The following WWOX variants were observed in gnomAD, a reference collection of about 807,000 sequenced individuals.
WWOX encodes the protein WW domain containing oxidoreductase, also known as WW domain-containing oxidoreductase.
WWOX carries 69 observed loss-of-function variants against 46.2 expected under a neutral mutation model. The ratio of observed to expected loss-of-function variants is 1.49; its 90% CI spans 1.23 to 1.82. WWOX has a LOEUF of 1.82. Among genes scored for constraint, WWOX ranks in the 40% most tolerant of loss-of-function variants. WWOX has a pLI of 0.00. For missense variants in WWOX, 919 were observed against 542.6 expected (o/e 1.69, Z -6.89); for synonymous variants, 359 against 202.6 (o/e 1.77, Z -6.56).
At chr16:78,875,904 C>G (rs538447153) in intron 8 of WWOX, among the ~76,000 whole-genome samples, 2 of 152,302 alleles carry the variant, frequency 1.3e-5, no homozygotes, top group South Asian at 4.1e-4. Flanking sequence ...CTAATTCTTT[C>G]TCCTGATACC....
intron 8 of WWOX, among the ~76,000 whole-genome samples, chr16:78,595,105 A>C (rs1478046113): frequency 2.0e-5 from 3 of 152,188 alleles, no homozygotes; most frequent in Admixed American, 2.0e-4. Flanking sequence ...GTGTTAGCAG[A>C]GGCAGTGGCA....
intron 8 of WWOX, among the ~76,000 whole-genome samples, chr16:78,509,649 A>G (rs980901616): frequency 6.6e-6 from 1 of 152,184 alleles, no homozygotes; most frequent in Non-Finnish European, 1.5e-5. Flanking sequence ...CAGCGATGGC[A>G]GGACTATTTA....
At chr16:78,856,710 T>A (rs1416132421) in intron 8 of WWOX, among the ~76,000 whole-genome samples, 2 of 152,132 alleles carry the variant, frequency 1.3e-5, no homozygotes, top group African/African-American at 2.4e-5. Context: ...TTCAGTACTT[T>A]AAAAAAATGT....
At chr16:78,899,971 T>A (rs1270959535) in intron 8 of WWOX, among the ~76,000 whole-genome samples, 2 of 152,052 alleles carry the variant, frequency 1.3e-5, no homozygotes, top group South Asian at 2.1e-4. Flanking sequence ...GCCTTGATAA[T>A]TAGGTTTGTT....
At chr16:78,272,221 G>A (rs961089064) in intron 5 of WWOX, among the ~76,000 whole-genome samples, 7 of 152,170 alleles carry the variant, frequency 4.6e-5, no homozygotes, top group Non-Finnish European at 7.3e-5. Flanking sequence ...TATGCTGGAG[G>A]ATGAATTGGA....
chr16:78,924,868 C>T (rs1205090660), intron 8 of WWOX, among the ~76,000 whole-genome samples: 5 of 152,112 alleles, frequency 3.3e-5, no homozygotes, highest in Non-Finnish European at 5.9e-5. Flanking sequence ...TAGGCTCTAG[C>T]ACACAGTGTG....
At chr16:79,090,930 A>G (rs2048947096) in intron 8 of WWOX, among the ~76,000 whole-genome samples, 1 of 152,090 alleles carries the variant, frequency 6.6e-6, no homozygotes. Flanking sequence ...AGAAGTTGGG[A>G]CTACAGGCAT....
intron 5 of WWOX, among the ~76,000 whole-genome samples, chr16:78,308,806 CT>C (rs1452100022): frequency 2.0e-5 from 3 of 152,148 alleles, no homozygotes; most frequent in Non-Finnish European, 4.4e-5. Flanking sequence ...CCAGATAGTC[CT>C]TTCTACTGAT....
At chr16:78,250,796 G>T (rs1044113637) in intron 5 of WWOX, among the ~76,000 whole-genome samples, 1 of 152,108 alleles carries the variant, frequency 6.6e-6, no homozygotes, top group African/African-American at 2.4e-5. Context: ...GGCTGGGCAG[G>T]AAAACCATAA....
chr16:78,778,954 G>A (rs1226214536), intron 8 of WWOX, among the ~76,000 whole-genome samples: 1 of 152,118 alleles, frequency 6.6e-6, no homozygotes, highest in African/African-American at 2.4e-5. Context: ...GCAATAATCT[G>A]TTTGATTCAC....
rs565033145 is a variant in WWOX, at chr16:78,607,633, C to T, written c.1056+174881C>T. ...TTCAGCTGGCGTAAGAGGAGTGACT[C>T]ATTTGTTCTTCTTTTTTTTTTTTTT... On this transcript the variant is annotated intron_variant, in intron 8 of 8. Transcript: ENST00000566780. 7.6e-4 allele frequency among the ~76,000 whole-genome samples: 103 copies of T among 135,168 alleles called. 1 individual carries two copies. The highest frequency in any genetic ancestry group is 2.5e-3 in the African/African-American group (96 of 38,694). 88.7% of individuals were successfully genotyped at this position (135,168 alleles called of 152,430 possible).
intron 8 of WWOX, among the ~76,000 whole-genome samples, chr16:78,719,930 C>T (rs958780642): frequency 2.0e-5 from 3 of 152,124 alleles, no homozygotes; most frequent in Non-Finnish European, 2.9e-5. Flanking sequence ...ATTTTAAGCA[C>T]GTTTTCACCA....
At chr16:78,635,608 T>C (rs2046548304) in intron 8 of WWOX, among the ~76,000 whole-genome samples, 2 of 152,180 alleles carry the variant, frequency 1.3e-5, no homozygotes, top group South Asian at 4.1e-4. Context: ...GTTATTTCTT[T>C]ATTCAAGGGT....
chr16:79,132,346 C>T (rs1334746807), intron 8 of WWOX, among the ~76,000 whole-genome samples: 1 of 152,154 alleles, frequency 6.6e-6, no homozygotes, highest in Non-Finnish European at 1.5e-5. Context: ...AGTATTGGGA[C>T]TTCCGGTTGG....
At chr16:78,995,120 G>A (rs997560128) in intron 8 of WWOX, among the ~76,000 whole-genome samples, 8 of 151,852 alleles carry the variant, frequency 5.3e-5, no homozygotes, top group Non-Finnish European at 1.0e-4. Context: ...AGTTTGTCTT[G>A]GCTCTGATCA....
intron 5 of WWOX, among the ~76,000 whole-genome samples, chr16:78,239,894 A>G (rs929867020): frequency 6.6e-6 from 1 of 152,086 alleles, no homozygotes; most frequent in East Asian, 1.9e-4. Context: ...AGGGAATGGG[A>G]CCAGGCACCT....
At chr16:78,910,611 G>A (rs926836512) in intron 8 of WWOX, among the ~76,000 whole-genome samples, 1 of 151,778 alleles carries the variant, frequency 6.6e-6, no homozygotes, top group East Asian at 1.9e-4. Flanking sequence ...AGGTTTAATG[G>A]ACTCACAATT....
chr16:79,159,425 G>A (rs1196183325), intron 8 of WWOX, among the ~76,000 whole-genome samples: 2 of 152,228 alleles, frequency 1.3e-5, no homozygotes, highest in Admixed American at 6.5e-5. Flanking sequence ...GGCAGCCAGG[G>A]TCAGAAAGGG....
At chr16:79,061,046 C>G (rs1033334222) in intron 8 of WWOX, among the ~76,000 whole-genome samples, 5 of 152,194 alleles carry the variant, frequency 3.3e-5, no homozygotes, top group African/African-American at 1.2e-4. Context: ...CTTATACACT[C>G]ACATTCATAC....
Sources: allele counts gnomAD v4.1 joint callset (sites outside exome capture counted in the v4.1 genomes callset), GRCh38; gene constraint gnomAD v4.1.1; transcripts MANE v1.5; gene names NCBI Gene and HGNC (gene_info 2026-07-23, HGNC 2026-07-21).